Variants in PLEKHG1 observed in about 807,000 individuals in gnomAD.
The protein encoded by PLEKHG1 is pleckstrin homology domain-containing family G member 1.
PLEKHG1 carries 44 observed loss-of-function variants against 100.8 expected under a neutral mutation model. That is an observed-to-expected ratio of 0.44 (90% CI 0.34 to 0.56). The LOEUF (loss-of-function observed/expected upper bound fraction) is 0.56. Ranked by LOEUF, PLEKHG1 falls within the 20% of genes least tolerant of loss-of-function variation. The pLI, the probability that PLEKHG1 is intolerant of heterozygous loss-of-function variation, is 0.01. For missense variants in PLEKHG1, 1,545 were observed against 1,720.9 expected (o/e 0.90, Z 1.81); for synonymous variants, 640 against 662.5 (o/e 0.97, Z 0.52).
At chr6:150,740,304 G>T (rs1782780984) in intron 2 of PLEKHG1, among the ~76,000 whole-genome samples, 1 of 152,200 alleles carries the variant, frequency 6.6e-6, no homozygotes, top group South Asian at 2.1e-4. Flanking sequence ...TGTTTGGTAT[G>T]GAAAGGGCAG....
intron 14 of PLEKHG1, among the ~76,000 whole-genome samples, chr6:150,825,689 T>C (rs1343794100): frequency 6.6e-6 from 1 of 152,230 alleles, no homozygotes; most frequent in Admixed American, 6.5e-5. Flanking sequence ...GTTAAGCTCA[T>C]GTATAAGCCG....
intron 2 of PLEKHG1, among the ~76,000 whole-genome samples, chr6:150,761,930 A>C (rs1044505821): frequency 6.6e-6 from 1 of 152,100 alleles, no homozygotes; most frequent in Admixed American, 6.6e-5. Context: ...CCCTTTCAGG[A>C]GGAGGTAGCA....
At chr6:150,781,821 G>A (rs1785327991) in intron 3 of PLEKHG1, among the ~76,000 whole-genome samples, 1 of 150,974 alleles carries the variant, frequency 6.6e-6, no homozygotes, top group Non-Finnish European at 1.5e-5. Context: ...ACCCAGGCTG[G>A]AGTGCAGTGG....
At chr6:150,804,566 A>G in intron 6 of PLEKHG1, 44 bp from the exon 8 acceptor site, 1 of 1,497,378 alleles carries the variant, frequency 6.7e-7, no homozygotes, top group South Asian at 1.2e-5. Flanking sequence ...TCTATATGAA[A>G]ATAAAATGAA....
chr6:150,772,880 T>A (rs192830471), intron 3 of PLEKHG1, among the ~76,000 whole-genome samples: 1 of 152,340 alleles, frequency 6.6e-6, no homozygotes, highest in Admixed American at 6.5e-5. Flanking sequence ...TATTTCTTTT[T>A]CTTATTGTTG....
At chr6:150,758,273 A>G (rs1278425673) in intron 2 of PLEKHG1, among the ~76,000 whole-genome samples, 1 of 151,886 alleles carries the variant, frequency 6.6e-6, no homozygotes, top group East Asian at 1.9e-4. Context: ...AAACTAATTT[A>G]TCCCACCAAC....
chr6:150,750,586 C>T lies in PLEKHG1; in HGVS notation c.411+16494C>T, dbSNP rs563368038. Among the ~76,000 whole-genome samples the T allele has an allele frequency of 5.5e-3, 837 of 151,736 alleles. 9 individuals are homozygous for T. Among genetic ancestry groups the T allele is most frequent in the African/African-American group, 0.019 (800 of 41,350 alleles). On this transcript the variant is annotated intron_variant, in intron 2 of 15. Transcript: ENST00000358517. ...ACGAGGTCAGGAGATCGAGACCATC[C>T]CGGCTAAAACGGTGAAACCCCGTCT...
intron 3 of PLEKHG1, among the ~76,000 whole-genome samples, chr6:150,676,009 A>G (rs1302955284): frequency 6.6e-6 from 1 of 152,136 alleles, no homozygotes; most frequent in African/African-American, 2.4e-5. Flanking sequence ...CAAGCCATAT[A>G]ATATATCACA....
intron 2 of PLEKHG1, among the ~76,000 whole-genome samples, chr6:150,746,490 T>C (rs1180874153): frequency 3.9e-5 from 6 of 152,204 alleles, no homozygotes; most frequent in Non-Finnish European, 8.8e-5. Context: ...ATAAGACTAA[T>C]AAAAACTGCC....
chr6:150,763,024 CTTTTTTT>C lies in PLEKHG1; in HGVS notation c.412-5600_412-5594del, dbSNP rs60462437. Among the ~76,000 whole-genome samples the C allele has an allele frequency of 7.8e-5, 6 of 76,504 alleles. No individual in the cohort carries two copies. In the East Asian group the frequency reaches 2.0e-3, roughly 25 times the overall value. 50.2% of individuals were successfully genotyped at this position (76,504 alleles called of 152,430 possible). ...AGCACCAACAGGAGGGATAAAGCTT[CTTTTTTT>C]TTTTTTTTTTTTTGAGACGGAGTTT... is the stretch of plus-strand genomic sequence containing the variant. On this transcript the variant is annotated intron_variant, in intron 2 of 15. Coordinates refer to ENST00000358517, the Ensembl canonical transcript of PLEKHG1.
rs139828231 is a variant in PLEKHG1, at chr6:150,752,190, A to T, written c.412-16448A>T. 4.9e-3 allele frequency among the ~76,000 whole-genome samples: 750 copies of T among 152,278 alleles called. 6 individuals carry two copies. The highest frequency in any genetic ancestry group is 0.017 in the African/African-American group (718 of 41,552). On this transcript the variant is annotated intron_variant, in intron 2 of 15. Transcript: ENST00000358517. ...GACAGAGCGAGACTCTGTCTCAAAA[A>T]AAAATAAAATAAAATATATTGTCTG...
chr6:150,697,018 A>G (rs1273308016), intron 3 of PLEKHG1, among the ~76,000 whole-genome samples: 2 of 152,008 alleles, frequency 1.3e-5, no homozygotes, highest in African/African-American at 4.8e-5. Context: ...AATTGCCTGA[A>G]CCTGGGAGGC....
At chr6:150,674,682 T>TCTCTCTCTCTCTCTCC (rs1455673564) in intron 3 of PLEKHG1, among the ~76,000 whole-genome samples, 25 of 104,286 alleles carry the variant, frequency 2.4e-4, no homozygotes, top group Middle Eastern at 5.0e-3. Flanking sequence ...TCTCTCTCTC[T>TCTCTCTCTCTCTCTCC]CCCCCCTCTT....
chr6:150,832,702 G>A (rs1425932266), intron 15 of PLEKHG1, among the ~76,000 whole-genome samples: 3 of 101,592 alleles, frequency 3.0e-5, no homozygotes, highest in African/African-American at 1.1e-4. Flanking sequence ...TTTTTTTTGA[G>A]ACAGGATCTC....
intron 5 of PLEKHG1, 72 bp from the exon 7 acceptor site, chr6:150,800,647 C>A (rs1305133130): frequency 7.1e-7 from 1 of 1,406,690 alleles, no homozygotes; most frequent in East Asian, 2.3e-5. Context: ...TTTACACTTG[C>A]AATAGCATTT....
At chr6:150,799,054 TA>T (rs80085174) in intron 5 of PLEKHG1, among the ~76,000 whole-genome samples, 7,387 of 144,434 alleles carry the variant, frequency 0.051, 246 homozygotes, top group East Asian at 0.13. Context: ...AAGTTGTCTT[TA>T]AAAAAAAAAA....
intron 1 of PLEKHG1, among the ~76,000 whole-genome samples, chr6:150,609,052 GT>G (rs968980036): frequency 3.3e-5 from 5 of 152,318 alleles, no homozygotes; most frequent in African/African-American, 1.2e-4. Flanking sequence ...CAGTCTAGGT[GT>G]TAGAAGAAGG....
At chr6:150,796,675 A>C (rs1021438278) in intron 5 of PLEKHG1, among the ~76,000 whole-genome samples, 2 of 152,184 alleles carry the variant, frequency 1.3e-5, no homozygotes, top group Non-Finnish European at 2.9e-5. Context: ...TTTTAAGCAG[A>C]GCACCTATCC....
chr6:150,812,418 G>T (rs1009895724), intron 10 of PLEKHG1, among the ~76,000 whole-genome samples: 1 of 151,780 alleles, frequency 6.6e-6, no homozygotes, highest in Non-Finnish European at 1.5e-5. Flanking sequence ...GGATGTCTGA[G>T]GAGAAGGCAC....
Sources: allele counts gnomAD v4.1 joint callset (sites outside exome capture counted in the v4.1 genomes callset), GRCh38; gene constraint gnomAD v4.1.1; transcripts MANE v1.5; gene names NCBI Gene and HGNC (gene_info 2026-07-23, HGNC 2026-07-21).